Variants in EPHA5 observed in about 807,000 individuals in gnomAD.
The protein encoded by EPHA5 is ephrin type-A receptor 5.
In EPHA5, 60 loss-of-function variants were observed where a neutral mutation model predicts 105.0. That is an observed-to-expected ratio of 0.57 (90% CI 0.46 to 0.71). The LOEUF is 0.71. Among genes scored for constraint, EPHA5 ranks in the 30% least tolerant of loss-of-function variants. EPHA5 has a pLI of 0.00. For missense variants in EPHA5, 1,218 were observed against 1,274.7 expected, an observed-to-expected ratio of 0.96 and a Z score of 0.68; for synonymous variants, 513 against 449.1, an observed-to-expected ratio of 1.14 and a Z score of -1.80.
intron 8 of EPHA5, among the ~76,000 whole-genome samples, chr4:65,368,677 A>G (rs1718161986): frequency 6.6e-6 from 1 of 152,186 alleles, no homozygotes; most frequent in Non-Finnish European, 1.5e-5. Context: ...TACAGTATAT[A>G]AGATGCTTTT....
chr4:65,354,532 A>G (rs1051799884), intron 11 of EPHA5, among the ~76,000 whole-genome samples: 3 of 151,764 alleles, frequency 2.0e-5, no homozygotes, highest in Non-Finnish European at 2.9e-5. Context: ...CTATGATAAT[A>G]AAATTACCAT....
chr4:65,426,923 G>A (rs58775279), intron 5 of EPHA5, among the ~76,000 whole-genome samples: 15,598 of 151,986 alleles, frequency 0.1, 948 homozygotes, highest in East Asian at 0.14. Context: ...ACTTACATAT[G>A]AATAGGACAG....
chr4:65,624,260 A>G (rs983933036), intron 2 of EPHA5, among the ~76,000 whole-genome samples: 1 of 152,194 alleles, frequency 6.6e-6, no homozygotes, highest in Non-Finnish European at 1.5e-5. Context: ...GAGATTTAAT[A>G]AAAATTTTAT....
chr4:65,481,241 G>T (rs2149188175), intron 5 of EPHA5, among the ~76,000 whole-genome samples: 1 of 152,268 alleles, frequency 6.6e-6, no homozygotes, highest in South Asian at 2.1e-4. Context: ...AGCATCTCTT[G>T]TCTCTTATAG....
At chr4:65,589,593 G>A (rs1742440515) in intron 3 of EPHA5, among the ~76,000 whole-genome samples, 1 of 152,150 alleles carries the variant, frequency 6.6e-6, no homozygotes. Context: ...ATCAAATGCA[G>A]TTAAGCAAAC....
chr4:65,434,445 T>A (rs1344328462), intron 5 of EPHA5, among the ~76,000 whole-genome samples: 5 of 152,262 alleles, frequency 3.3e-5, no homozygotes, highest in Non-Finnish European at 5.9e-5. Context: ...ATTTCTAATA[T>A]CTTTATTATG....
intron 3 of EPHA5, 37 bp from the exon 4 acceptor site, chr4:65,495,580 A>T: frequency 1.3e-6 from 2 of 1,564,752 alleles, no homozygotes; most frequent in Non-Finnish European, 1.7e-6. Context: ...TTTTCCCTGG[A>T]ACAGATGCAG....
chr4:65,616,941 T>A (rs1281513346), intron 2 of EPHA5, among the ~76,000 whole-genome samples: 1 of 152,078 alleles, frequency 6.6e-6, no homozygotes, highest in Non-Finnish European at 1.5e-5. Context: ...GTGAACTCTG[T>A]GAATATCTGT....
chr4:65,385,780 A>T (rs1011217302), intron 8 of EPHA5, among the ~76,000 whole-genome samples: 1 of 151,842 alleles, frequency 6.6e-6, no homozygotes, highest in Non-Finnish European at 1.5e-5. Context: ...AATATTCGTA[A>T]TTGTGACTAT....
intron 3 of EPHA5, among the ~76,000 whole-genome samples, chr4:65,506,424 C>A (rs370355760): frequency 1.4e-5 from 2 of 145,496 alleles, no homozygotes; most frequent in Non-Finnish European, 3.0e-5. Flanking sequence ...GGAATCGCCA[C>A]ACTGTCTTCC....
At chr4:65,556,187 T>C (rs1041114748) in intron 3 of EPHA5, among the ~76,000 whole-genome samples, 1 of 152,084 alleles carries the variant, frequency 6.6e-6, no homozygotes, top group African/African-American at 2.4e-5. Flanking sequence ...ATAAAGCCAA[T>C]TGGATGGTAA....
At chr4:65,603,072 C>G (rs1743896718) in intron 2 of EPHA5, among the ~76,000 whole-genome samples, 1 of 151,968 alleles carries the variant, frequency 6.6e-6, no homozygotes, top group Non-Finnish European at 1.5e-5. Context: ...TGTTGGGACC[C>G]CATTAATTCT....
At chr4:65,565,917 AT>A (rs1417845458) in intron 3 of EPHA5, among the ~76,000 whole-genome samples, 1 of 151,422 alleles carries the variant, frequency 6.6e-6, no homozygotes, top group East Asian at 1.9e-4. Flanking sequence ...TTTCTATCTC[AT>A]TTTTTTCCTC....
chr4:65,623,744 A>C (rs1745902391), intron 2 of EPHA5, among the ~76,000 whole-genome samples: 1 of 152,166 alleles, frequency 6.6e-6, no homozygotes, highest in Admixed American at 6.6e-5. Flanking sequence ...CATAATGGTA[A>C]CAGATTGTAT....
At chr4:65,592,991 G>A (rs1400612210) in intron 3 of EPHA5, among the ~76,000 whole-genome samples, 1 of 152,042 alleles carries the variant, frequency 6.6e-6, no homozygotes, top group Non-Finnish European at 1.5e-5. Flanking sequence ...ATCCCAAAAG[G>A]GGGCAAAATA....
intron 3 of EPHA5, 132 bp downstream of exon 3, chr4:65,601,509 T>A (rs1433159300): frequency 2.5e-5 from 24 of 945,354 alleles, no homozygotes; most frequent in Middle Eastern, 4.5e-4. Context: ...AAGAGAAAAA[T>A]AAAACTTGAG....
At chr4:65,387,039 G>A (rs1055358208) in intron 8 of EPHA5, among the ~76,000 whole-genome samples, 5 of 151,858 alleles carry the variant, frequency 3.3e-5, no homozygotes, top group South Asian at 2.1e-4. Context: ...ATCTAAGGAC[G>A]TGGCCATTAA....
At chr4:65,465,430 C>T (rs917586773) in intron 5 of EPHA5, among the ~76,000 whole-genome samples, 14 of 71,684 alleles carry the variant, frequency 2.0e-4, no homozygotes, top group Non-Finnish European at 3.7e-4. Context: ...CATCCCCCCA[C>T]CCCTCTAAAG....
intron 7 of EPHA5, among the ~76,000 whole-genome samples, chr4:65,410,408 G>A (rs1311913420): frequency 3.9e-5 from 6 of 152,142 alleles, no homozygotes; most frequent in Non-Finnish European, 7.4e-5. Context: ...CCAGGGCTTA[G>A]TGATAACACA....
Sources: gnomAD v4.1 joint callset for allele counts (sites outside exome capture counted in the v4.1 genomes callset) on GRCh38, gnomAD v4.1.1 for gene constraint, MANE v1.5 for transcripts, NCBI Gene and HGNC (gene_info 2026-07-23, HGNC 2026-07-21) for gene names.